The following GSE1 variants were observed in gnomAD, a reference collection of about 807,000 sequenced individuals.
GSE1 encodes Gse1 coiled-coil protein, also known as genetic suppressor element 1.
In GSE1, 32 loss-of-function variants were observed where a neutral mutation model predicts 112.6. The ratio of observed to expected loss-of-function variants is 0.28; its 90% CI spans 0.21 to 0.38. The LOEUF (loss-of-function observed/expected upper bound fraction) is 0.38, where lower values mean the gene tolerates loss of function less well. Ranked by LOEUF, GSE1 falls within the 10% of genes least tolerant of loss-of-function variation. The pLI, the probability that GSE1 is intolerant of heterozygous loss-of-function variation, is 1.00. For missense variants in GSE1, 2,348 were observed against 1,699.2 expected, an observed-to-expected ratio of 1.38 and a Z score of -6.71; for synonymous variants, 1,115 against 735.6, an observed-to-expected ratio of 1.52 and a Z score of -8.35.
rs981772946 is a variant in GSE1 at position 85,556,758 on chromosome 16, C to G, written c.37+395C>G. On this transcript the variant is annotated intron_variant, in intron 1 of 2. Transcript: ENST00000635906. The stretch of plus-strand genomic sequence containing the variant: ...CCCGATCGGGTAGCATGCCCCCCCC[C>G]CCCCCAGTCCTGGGGTTTATTTCCC... Among the ~76,000 whole-genome samples the G allele has an allele frequency of 4.8e-4, 69 of 145,052 alleles. No individual in the cohort carries two copies. The East Asian group carries it at 8.7e-3, about 18-fold the overall frequency.
intron 2 of GSE1, among the ~76,000 whole-genome samples, chr16:85,499,814 CAT>C (rs1447338413): frequency 6.6e-6 from 1 of 152,190 alleles, no homozygotes; most frequent in African/African-American, 2.4e-5. Context: ...AAAAAGATAA[CAT>C]ATGTTGCTGG....
At chr16:85,661,010 C>T (rs1217638041) in intron 8 of GSE1, 136 bp from the exon 9 acceptor site, 3 of 702,554 alleles carry the variant, frequency 4.3e-6, no homozygotes, top group Admixed American at 2.5e-5. Context: ...TGTCCCCTCC[C>T]TGCAGCCCTG....
At chr16:85,584,270 T>G (rs2046587592) in intron 1 of GSE1, among the ~76,000 whole-genome samples, 1 of 152,130 alleles carries the variant, frequency 6.6e-6, no homozygotes. Flanking sequence ...GAGTTCCCAG[T>G]GGGCCTCCCA....
intron 1 of GSE1, among the ~76,000 whole-genome samples, chr16:85,336,977 C>T (rs756856012): frequency 7.1e-5 from 10 of 140,628 alleles, no homozygotes; most frequent in Non-Finnish European, 1.2e-4. Context: ...CACACATATA[C>T]ATGGGCACAC....
intron 2 of GSE1, among the ~76,000 whole-genome samples, chr16:85,507,907 C>T (rs927449693): frequency 6.6e-5 from 10 of 152,136 alleles, no homozygotes; most frequent in African/African-American, 1.4e-4. Context: ...GCACACGCCT[C>T]GTGTGTTTCT....
At chr16:85,278,340 G>A (rs4470130) in intron 1 of GSE1, among the ~76,000 whole-genome samples, 133,145 of 152,268 alleles carry the variant, frequency 0.87, 59,190 homozygotes, top group Middle Eastern at 0.97. Context: ...GCCTGAAGCA[G>A]GGTGCTCTGA....
At chr16:85,606,377 C>G (rs982685688) in intron 1 of GSE1, among the ~76,000 whole-genome samples, 2 of 152,266 alleles carry the variant, frequency 1.3e-5, no homozygotes, top group Non-Finnish European at 2.9e-5. Context: ...GCTCCACAAC[C>G]TCATCCGTGC....
chr16:85,671,417 G>T (rs1030256322), intron 15 of GSE1, among the ~76,000 whole-genome samples: 1 of 128,404 alleles, frequency 7.8e-6, no homozygotes, highest in Non-Finnish European at 1.6e-5. Context: ...TCCAGCCTGG[G>T]CGACAGAGCG....
At chr16:85,209,232 C>G (rs4603547) in intron 1 of GSE1, among the ~76,000 whole-genome samples, 79,717 of 151,940 alleles carry the variant, frequency 0.52, 21,380 homozygotes, top group Middle Eastern at 0.65. Context: ...AACAACCCCA[C>G]GAGGTAGGCA....
At chr16:85,504,436 G>A (rs774386762) in intron 2 of GSE1, among the ~76,000 whole-genome samples, 1 of 152,328 alleles carries the variant, frequency 6.6e-6, no homozygotes, top group African/African-American at 2.4e-5. Context: ...CCCGCAGAGC[G>A]GTGACAGGGG....
chr16:85,402,867 G>C (rs966167422), intron 2 of GSE1, among the ~76,000 whole-genome samples: 1 of 151,758 alleles, frequency 6.6e-6, no homozygotes, highest in Admixed American at 6.6e-5. Context: ...AGTGAGCTTT[G>C]ATTGTGCCAC....
intron 1 of GSE1, among the ~76,000 whole-genome samples, chr16:85,298,791 C>T (rs996016352): frequency 2.0e-5 from 3 of 152,206 alleles, no homozygotes; most frequent in African/African-American, 7.2e-5. Flanking sequence ...GGGCCAGGAC[C>T]GCATTGTGAA....
At chr16:85,208,217 C>T (rs2075154415) in intron 1 of GSE1, among the ~76,000 whole-genome samples, 1 of 152,170 alleles carries the variant, frequency 6.6e-6, no homozygotes, top group Non-Finnish European at 1.5e-5. Flanking sequence ...TCTCAACGTT[C>T]CTGCTAGGCC....
At position 85,295,594 on chromosome 16, in the gene GSE1, A is replaced by C. The variant is rs148037903; in HGVS notation, c.2284-61869A>C. ...TACAGGGCTGTGTCACTTCTGTTGCACTCTCGATGTCAGGAGTGAGCCTGT... is the reference window on the plus strand; with the variant it reads ...TACAGGGCTGTGTCACTTCTGTTGCCCTCTCGATGTCAGGAGTGAGCCTGT... On this transcript the variant is annotated intron_variant, in intron 1 of 2. Coordinates refer to the GSE1 transcript ENST00000637419. Among the ~76,000 whole-genome samples the C allele has an allele frequency of 2.9e-3, 444 of 151,454 alleles. 7 individuals carry two copies. Among genetic ancestry groups the C allele is most frequent in the African/African-American group, 0.01 (422 of 41,250 alleles).
chr16:85,498,747 C>T (rs758418409), intron 2 of GSE1, among the ~76,000 whole-genome samples: 1 of 152,252 alleles, frequency 6.6e-6, no homozygotes, highest in East Asian at 1.9e-4. Flanking sequence ...TGGGAGCTTT[C>T]ACCTTCTTCG....
chr16:85,642,763 G>C (rs1353888601), intron 2 of GSE1, among the ~76,000 whole-genome samples: 1 of 152,256 alleles, frequency 6.6e-6, no homozygotes, highest in Non-Finnish European at 1.5e-5. Context: ...GGGTGGGTCG[G>C]GGCCGTGCAG....
chr16:85,494,461 T>TA (rs2051106669), intron 2 of GSE1, among the ~76,000 whole-genome samples: 1 of 151,672 alleles, frequency 6.6e-6, no homozygotes, highest in Non-Finnish European at 1.5e-5. Context: ...ACCTTTTTTT[T>TA]TTTTTTTCCA....
intron 1 of GSE1, among the ~76,000 whole-genome samples, chr16:85,591,699 G>C (rs2047009872): frequency 6.6e-6 from 1 of 152,210 alleles, no homozygotes; most frequent in Admixed American, 6.5e-5. Context: ...GACTCCGTCG[G>C]CTCCTTTTCA....
intron 1 of GSE1, among the ~76,000 whole-genome samples, chr16:85,308,300 C>T (rs1166972471): frequency 1.3e-5 from 2 of 151,956 alleles, no homozygotes; most frequent in South Asian, 2.1e-4. Context: ...CTGTGGACAC[C>T]GAGTCCAGCC....
Sources: allele counts gnomAD v4.1 joint callset (sites outside exome capture counted in the v4.1 genomes callset), GRCh38; gene constraint gnomAD v4.1.1; transcripts MANE v1.5; gene names NCBI Gene and HGNC (gene_info 2026-07-23, HGNC 2026-07-21).